TSPEAR: variants seen among roughly 807,000 people sequenced by gnomAD.
TSPEAR encodes the protein thrombospondin type laminin G domain and EAR repeats.
TSPEAR carries 69 observed loss-of-function variants against 71.6 expected under a neutral mutation model. The ratio of observed to expected loss-of-function variants is 0.96; its 90% CI spans 0.79 to 1.18. The LOEUF (loss-of-function observed/expected upper bound fraction) is 1.18. Among genes scored for constraint, TSPEAR ranks in the 50% most tolerant of loss-of-function variants. The probability of loss-of-function intolerance (pLI) is 0.00; values close to 1 mark genes in which losing one functional copy is unlikely to be tolerated. For synonymous variants in TSPEAR, 402 were observed against 387.2 expected (o/e 1.04, Z -0.45); for missense variants, 971 against 894.9 (o/e 1.09, Z -1.09).
chr21:44,681,168 G>A lies in TSPEAR; in HGVS notation c.82+30265C>T, dbSNP rs546973650. On this transcript the variant is annotated intron_variant, in intron 1 of 11. Coordinates refer to ENST00000323084, the MANE Select transcript of TSPEAR (RefSeq NM_144991.3). Reference sequence around the variant, plus strand: ...AGTGCCATATGTAGATCAGTGATGGGAGTGTGTGCTGCAGAACTAATCCAG... The same window carrying A: ...AGTGCCATATGTAGATCAGTGATGGAAGTGTGTGCTGCAGAACTAATCCAG... Among the ~76,000 whole-genome samples, 472 of 152,326 alleles carry A rather than the reference G, an allele frequency of 3.1e-3. 2 individuals are homozygous for A. Among genetic ancestry groups the A allele is most frequent in the Admixed American group, 0.01 (153 of 15,298 alleles).
chr21:44,611,962 C>T (rs891418076), intron 1 of TSPEAR: 3 of 900,126 alleles, frequency 3.3e-6, no homozygotes, highest in Middle Eastern at 3.6e-4. Flanking sequence ...GGCAAAGTCT[C>T]AGCCACAACA....
At chr21:44,621,170 C>T (rs1370802734) in intron 1 of TSPEAR, among the ~76,000 whole-genome samples, 7 of 151,962 alleles carry the variant, frequency 4.6e-5, no homozygotes, top group African/African-American at 1.7e-4. Flanking sequence ...TCTGTTAGAC[C>T]CAGTAGATTT....
chr21:44,602,151 A>G (rs1980983335), intron 1 of TSPEAR: 1 of 254,548 alleles, frequency 3.9e-6, no homozygotes, highest in South Asian at 9.4e-5. Flanking sequence ...AGACCCTTCT[A>G]ATAAACTCCT....
chr21:44,509,537 G>A (rs1009844687), intron 9 of TSPEAR, 151 bp from the exon 10 acceptor site: 16 of 571,640 alleles, frequency 2.8e-5, no homozygotes, highest in African/African-American at 8.2e-5. Flanking sequence ...GTGGGTGAGC[G>A]GGCGCAGAGG....
intron 1 of TSPEAR, among the ~76,000 whole-genome samples, chr21:44,585,355 A>C (rs1287315859): frequency 1.3e-5 from 2 of 152,086 alleles, no homozygotes; most frequent in East Asian, 3.8e-4. Context: ...CTTGTACTTC[A>C]TTCATTTCAC....
chr21:44,682,243 TCTTC>T, intron 1 of TSPEAR: 1 of 1,176,066 alleles, frequency 8.5e-7, no homozygotes, highest in South Asian at 1.6e-5. Context: ...ACACCTGTTG[TCTTC>T]CTTGTTTTTC....
chr21:44,665,505 A>T (rs1555944465), intron 1 of TSPEAR, among the ~76,000 whole-genome samples: 1 of 152,244 alleles, frequency 6.6e-6, no homozygotes, highest in Non-Finnish European at 1.5e-5. Flanking sequence ...ATTCTGAATA[A>T]TTTCCTTTTC....
chr21:44,608,822 A>T (rs1257449511), intron 1 of TSPEAR, among the ~76,000 whole-genome samples: 1 of 152,264 alleles, frequency 6.6e-6, no homozygotes, highest in Admixed American at 6.5e-5. Context: ...GGTATATGCT[A>T]AGCCAACATA....
At position 44,711,080 on chromosome 21, in the gene TSPEAR, C is replaced by A. The variant is rs1354393634; in HGVS notation, c.82+353G>T. On this transcript the variant is annotated intron_variant, in intron 1 of 11. Transcript: ENST00000323084. The surrounding 1 kb of genome is among the most constrained non-coding windows in gnomAD (Gnocchi z 4.5). ...TGCACAGTAGCCTCCCGGGCTGCTG[C>A]GACTTCATTCTTCATTCCCAAAGCA... 6.6e-6 allele frequency among the ~76,000 whole-genome samples: 1 copy of A among 152,212 alleles called. No homozygotes were observed. The highest frequency in any genetic ancestry group is 1.5e-5 in the Non-Finnish European group (1 of 68,040).
At chr21:44,702,974 C>T (rs570219408) in intron 1 of TSPEAR, among the ~76,000 whole-genome samples, 3 of 152,318 alleles carry the variant, frequency 2.0e-5, no homozygotes, top group Admixed American at 2.0e-4. Flanking sequence ...CAAGCCAGGC[C>T]CAGGAAACCA....
At chr21:44,685,089 C>G (rs532228153) in intron 1 of TSPEAR, among the ~76,000 whole-genome samples, 3 of 152,142 alleles carry the variant, frequency 2.0e-5, no homozygotes, top group African/African-American at 7.2e-5. Context: ...TGAGACCCCA[C>G]TTGGTCTTCA....
chr21:44,578,436 T>C (rs148694868), intron 1 of TSPEAR, among the ~76,000 whole-genome samples: 6 of 152,312 alleles, frequency 3.9e-5, no homozygotes, highest in Admixed American at 3.3e-4. Context: ...CCGAATGGCT[T>C]TGCCATTGAA....
At chr21:44,557,842 A>G (rs1708328769) in intron 2 of TSPEAR, 1 of 635,132 alleles carries the variant, frequency 1.6e-6, no homozygotes, top group Non-Finnish European at 2.7e-6. Context: ...CACATGGGGC[A>G]GGACACAGTG....
chr21:44,599,003 C>T (rs587718749), intron 1 of TSPEAR, among the ~76,000 whole-genome samples: 1 of 152,234 alleles, frequency 6.6e-6, no homozygotes, highest in East Asian at 1.9e-4. Flanking sequence ...TTAGTTTCTT[C>T]AACAGCTCTT....
At position 44,654,290 on chromosome 21, in the gene TSPEAR, G is replaced by A. The variant is rs201352172; in HGVS notation, c.82+57143C>T. ...AGGCCACCTGCTCAGCAGCCAGTGG[G>A]GGTGCTCCAGGTGACAGGTCTATAG... On this transcript the variant is annotated intron_variant, in intron 1 of 11. Coordinates refer to ENST00000323084, the MANE Select transcript of TSPEAR (RefSeq NM_144991.3). 2.5e-5 allele frequency: 41 copies of A among 1,613,722 alleles called. 1 individual carries two copies. The African/African-American group carries it at 2.7e-4, about 10-fold the overall frequency.
chr21:44,501,889 T>G (rs1296464246), intron 11 of TSPEAR, among the ~76,000 whole-genome samples: 1 of 152,224 alleles, frequency 6.6e-6, no homozygotes, highest in African/African-American at 2.4e-5. Context: ...ACTATCCCAG[T>G]CCACAGGTGC....
At chr21:44,684,795 A>C (rs1466530679) in intron 1 of TSPEAR, among the ~76,000 whole-genome samples, 2 of 152,230 alleles carry the variant, frequency 1.3e-5, no homozygotes, top group Non-Finnish European at 2.9e-5. Context: ...GGAGCAGGTA[A>C]ATATCAAAGA....
At chr21:44,643,179 A>C (rs1314308832) in intron 1 of TSPEAR, among the ~76,000 whole-genome samples, 7 of 152,182 alleles carry the variant, frequency 4.6e-5, no homozygotes, top group Non-Finnish European at 7.3e-5. Flanking sequence ...AATACTGCAG[A>C]CCTCACTTAT....
intron 2 of TSPEAR, chr21:44,539,209 G>A (rs781710406): frequency 3.3e-6 from 5 of 1,535,994 alleles, no homozygotes; most frequent in Middle Eastern, 2.3e-4. Flanking sequence ...CGTCCTAGGT[G>A]GGGGAAGCCA....
Sources: allele counts gnomAD v4.1 joint callset (sites outside exome capture counted in the v4.1 genomes callset), GRCh38; gene constraint gnomAD v4.1.1; non-coding constraint Gnocchi (gnomAD v3.1); transcripts MANE v1.5; gene names NCBI Gene and HGNC (gene_info 2026-07-23, HGNC 2026-07-21).